Variants in PNISR observed in about 807,000 individuals in gnomAD.
PNISR encodes PNN interacting serine and arginine rich protein.
Under a neutral mutation model 93.4 loss-of-function variants are expected in PNISR, and 20 were observed. That is an observed-to-expected ratio of 0.21 (90% CI 0.15 to 0.31). PNISR has a LOEUF of 0.31. Ranked by LOEUF, PNISR falls within the 10% of genes least tolerant of loss-of-function variation. The pLI is 1.00. For missense variants in PNISR, 893 were observed against 985.4 expected (o/e 0.91, Z 1.25); for synonymous variants, 305 against 306.5 (o/e 0.99, Z 0.05).
chr6:99,408,852 A>G (rs1212596788), intron 6 of PNISR, among the ~76,000 whole-genome samples: 1 of 152,212 alleles, frequency 6.6e-6, no homozygotes, highest in African/African-American at 2.4e-5. Flanking sequence ...ATTAGATTTA[A>G]AAGGAGAAGG....
At chr6:99,416,753 CTAT>C (rs1413398514) in intron 1 of PNISR, among the ~76,000 whole-genome samples, 5 of 152,074 alleles carry the variant, frequency 3.3e-5, no homozygotes, top group African/African-American at 9.7e-5. Context: ...TCTCATCCAC[CTAT>C]TATTAACTTA....
Position 99,404,691 on chromosome 6 carries a change from T to C in PNISR, c.1014A>G (p.Thr338=). The C allele has an allele frequency of 6.4e-7, 1 of 1,566,610 alleles. No individual in the cohort carries two copies. The highest frequency in any genetic ancestry group is 8.8e-7 in the Non-Finnish European group (1 of 1,137,362). Reference sequence around the variant, plus strand: ...GCAGAATTTCTGTTAGAAGCATTTTTGTCAGCAACATCTAAAAAAGAGCAT... The same window carrying C: ...GCAGAATTTCTGTTAGAAGCATTTTCGTCAGCAACATCTAAAAAAGAGCAT... The part of the protein sequence containing the change: ...EEKEYQMMLL[T]KMLLTEILLD... The change falls in exon 9 of 12, where the codon ACA becomes ACG. Residue 338 remains threonine, a synonymous_variant. Coordinates refer to ENST00000369239, the MANE Select transcript of PNISR (RefSeq NM_032870.4).
chr6:99,405,972 C>G (rs62432268), intron 8 of PNISR, 59 bp downstream of exon 8: 1 of 1,220,256 alleles, frequency 8.2e-7, no homozygotes, highest in African/African-American at 1.6e-5. Flanking sequence ...AATATTGTCT[C>G]CAAAAAAAAT....
chr6:99,405,606 C>T (rs577994763), intron 8 of PNISR, among the ~76,000 whole-genome samples: 8 of 152,174 alleles, frequency 5.3e-5, no homozygotes, highest in Admixed American at 1.3e-4. Flanking sequence ...ACTCTGTCAC[C>T]CAGGATGGAA....
intron 1 of PNISR, among the ~76,000 whole-genome samples, chr6:99,423,001 C>T (rs1029885826): frequency 6.6e-6 from 1 of 151,640 alleles, no homozygotes; most frequent in Non-Finnish European, 1.5e-5. Context: ...AACAAGCACA[C>T]CTAGGCACGA....
In PNISR at chr6:99,408,246, G is replaced by A. The variant is rs530877907; in HGVS notation, c.699C>T (p.Pro233=). 20 of 1,612,378 alleles carry A rather than the reference G, an allele frequency of 1.2e-5. No individual in the cohort carries two copies. Among genetic ancestry groups the A allele is most frequent in the East Asian group, 4.5e-5 (2 of 44,870 alleles). Residue 233 remains proline, a synonymous_variant, in exon 7 of 12, where the codon CCC becomes CCT. Coordinates refer to ENST00000369239, the MANE Select transcript of PNISR (RefSeq NM_032870.4). ...TTTCAAGACCTTCGCGAATCCAAGC[G>A]GGAAGAGTCCTGCGTTTTACTGCGT... ...QIDAVKRRTL[P]AWIREGLEKM...
chr6:99,420,171 C>T (rs1286576560), intron 1 of PNISR, among the ~76,000 whole-genome samples: 2 of 152,156 alleles, frequency 1.3e-5, no homozygotes, highest in East Asian at 1.9e-4. Context: ...CGTGAGCTAT[C>T]GCTCCCGGCC....
intron 11 of PNISR, 52 bp downstream of exon 11, chr6:99,402,484 AAAAT>A (rs1231421594): frequency 1.6e-6 from 2 of 1,281,574 alleles, no homozygotes; most frequent in Non-Finnish European, 2.1e-6. Context: ...GGTTAGTTAA[AAAAT>A]AAAAAGAAAT....
At chr6:99,412,850 C>G in intron 3 of PNISR, 111 bp from the exon 4 acceptor site, 1 of 689,420 alleles carries the variant, frequency 1.5e-6, no homozygotes, top group Non-Finnish European at 2.2e-6. Context: ...ATATTTCAGA[C>G]AGAGAGGGTA....
At chr6:99,410,667 ATTCTTGATGAGACAC>A in intron 5 of PNISR, 59 bp downstream of exon 5, 1 of 1,033,402 alleles carries the variant, frequency 9.7e-7, no homozygotes, top group Non-Finnish European at 1.5e-6. Context: ...TATCTTAGGT[ATTCTTGATGAGACAC>A]TTCCAAAGAA....
intron 3 of PNISR, 122 bp from the exon 4 acceptor site, chr6:99,412,861 T>C: frequency 1.7e-6 from 1 of 582,738 alleles, no homozygotes; most frequent in Non-Finnish European, 2.7e-6. Context: ...AGAGAGGGTA[T>C]GAGGGAAATT....
chr6:99,420,188 T>C (rs1778363064), intron 1 of PNISR, among the ~76,000 whole-genome samples: 1 of 152,202 alleles, frequency 6.6e-6, no homozygotes, highest in African/African-American at 2.4e-5. Flanking sequence ...GGCCCATAAC[T>C]GCATTCTTAA....
rs547390653 is a variant in PNISR, at chr6:99,398,406, T to C, written c.*2134A>G. Reference sequence around the variant, plus strand: ...ATAAAACCTTACCACTCAAGGTAAATAAATACTATATCACATGTCAAGAAA... The same window carrying C: ...ATAAAACCTTACCACTCAAGGTAAACAAATACTATATCACATGTCAAGAAA... On this transcript the variant is annotated 3_prime_UTR_variant, in exon 12 of 12. Transcript: ENST00000369239. 8 of 152,210 alleles carry C rather than the reference T, an allele frequency of 5.3e-5. No individual in the cohort carries two copies. The East Asian group carries it at 1.5e-3, about 29-fold the overall frequency. The allele number at this position is 152,210 out of a possible 1,614,324, so 9.4% of individuals were successfully genotyped here. A position where few individuals can be genotyped will look rare whatever the true frequency, so the allele number is the denominator to read the frequency against.
intron 1 of PNISR, among the ~76,000 whole-genome samples, chr6:99,418,157 A>G (rs536297142): frequency 6.6e-5 from 10 of 151,498 alleles, no homozygotes; most frequent in Non-Finnish European, 1.2e-4. Context: ...ATTTTTTTTG[A>G]GAGGCAGTCT....
intron 5 of PNISR, chr6:99,410,171 A>G (rs1311694564): frequency 6.6e-6 from 1 of 152,430 alleles, no homozygotes; most frequent in Non-Finnish European, 1.5e-5. Context: ...ACCCTGGCAG[A>G]GGGAATGAAG....
intron 9 of PNISR, 165 bp from the exon 10 acceptor site, chr6:99,404,047 T>C: frequency 1.7e-6 from 1 of 577,660 alleles, no homozygotes; most frequent in Non-Finnish European, 3.1e-6. Flanking sequence ...ATGTCTGGCT[T>C]TGAAATTATA....
At chr6:99,403,739 C>T in intron 10 of PNISR, 90 bp downstream of exon 10, 1 of 929,992 alleles carries the variant, frequency 1.1e-6, no homozygotes, top group South Asian at 1.5e-5. Context: ...CTGAGTAGGA[C>T]TAATACAGTT....
rs779016933 is a variant in PNISR, at chr6:99,400,608, C to A, written c.2350G>T (p.Val784Leu). The A allele has an allele frequency of 3.4e-5, 55 of 1,613,926 alleles. No homozygotes were observed. The highest frequency in any genetic ancestry group is 4.5e-5 in the Non-Finnish European group (53 of 1,179,994). The change falls in exon 12 of 12, where the codon GTG becomes TTG. Residue 784 changes from valine to leucine, a missense_variant. Coordinates refer to ENST00000369239, the MANE Select transcript of PNISR (RefSeq NM_032870.4). Reference sequence around the variant, plus strand: ...TTACCAGACCTTTGAGATTTCTCCACGGATCGCGATCGACTATGTTTAGGC... The same window carrying A: ...TTACCAGACCTTTGAGATTTCTCCAAGGATCGCGATCGACTATGTTTAGGC... The part of the protein sequence containing the change: ...KKPKHSRSRS[V>L]EKSQRSGKKA...
rs1411206087 is a variant in PNISR, at chr6:99,398,513, C to G, written c.*2027G>C. ...TAACACTGGTTTATGTACTAATAAT[C>G]ACAAATATCATGACGGCTTTTAAAA... is the stretch of plus-strand genomic sequence containing the variant. On this transcript the variant is annotated 3_prime_UTR_variant, in exon 12 of 12. Coordinates refer to ENST00000369239, the MANE Select transcript of PNISR (RefSeq NM_032870.4). The G allele has an allele frequency of 1.3e-5, 2 of 152,074 alleles. No homozygotes were observed. Among genetic ancestry groups the G allele is most frequent in the Non-Finnish European group, 2.9e-5 (2 of 67,950 alleles). 9.4% of individuals were successfully genotyped at this position (152,074 alleles called of 1,614,324 possible). A position where few individuals can be genotyped will look rare whatever the true frequency, so the allele number is the denominator to read the frequency against.
Sources: allele counts gnomAD v4.1 joint callset (sites outside exome capture counted in the v4.1 genomes callset), GRCh38; gene constraint gnomAD v4.1.1; transcripts MANE v1.5; gene names NCBI Gene and HGNC (gene_info 2026-07-23, HGNC 2026-07-21).